TDRKH: variants seen among roughly 807,000 people sequenced by gnomAD.
TDRKH encodes tudor and KH domain-containing protein.
In TDRKH, 28 loss-of-function variants were observed where a neutral mutation model predicts 61.3. The ratio of observed to expected loss-of-function variants is 0.46; its 90% CI spans 0.34 to 0.63. The LOEUF (loss-of-function observed/expected upper bound fraction) is 0.63, where lower values mean the gene tolerates loss of function less well. TDRKH is among the 20% of genes least tolerant of loss of function. The pLI is 0.01. For synonymous variants in TDRKH, 219 were observed against 244.4 expected, an observed-to-expected ratio of 0.90 and a Z score of 0.97; for missense variants, 540 against 683.4, an observed-to-expected ratio of 0.79 and a Z score of 2.34.
chr1:151,772,578 C>T (rs1648780335), downstream of TDRKH, among the ~76,000 whole-genome samples: 2 of 152,128 alleles, frequency 1.3e-5, no homozygotes, highest in African/African-American at 2.4e-5. Flanking sequence ...AAAAAATTCA[C>T]TTGCCATTTT....
chr1:151,783,977 T>C (rs551612811), intron 1 of TDRKH, among the ~76,000 whole-genome samples: 1 of 152,366 alleles, frequency 6.6e-6, no homozygotes, highest in Admixed American at 6.5e-5. Context: ...AATTTTAACA[T>C]GTTCCTCATT....
chr1:151,787,593 C>G (rs1379719587), intron 1 of TDRKH, among the ~76,000 whole-genome samples: 1 of 151,984 alleles, frequency 6.6e-6, no homozygotes, highest in African/African-American at 2.4e-5. Flanking sequence ...ATAGTGCTAG[C>G]TCTTTCTTGT....
chr1:151,775,958 C>T (rs926619078), intron 8 of TDRKH, 74 bp from the exon 9 acceptor site: 43 of 1,584,240 alleles, frequency 2.7e-5, no homozygotes, highest in African/African-American at 5.4e-5. Flanking sequence ...TCAGAAAGAA[C>T]CAACTAACAT....
Position 151,778,972 on chromosome 1 carries a change from T to C in TDRKH, c.596A>G (p.Glu199Gly). The change falls in exon 6 of 13, where the codon GAA becomes GGA. Residue 199 changes from glutamate to glycine, a missense_variant. Physicochemically the swap from Glu to Gly is moderately conservative, Grantham distance 98. Coordinates refer to ENST00000368824, the MANE Select transcript of TDRKH (RefSeq NM_001083965.2). ...AGAATGAGCAATTCTCTTCCGAAGTTCTTCATCTTCTGAAACTTTCTCCAG... is the reference window on the plus strand; with the variant it reads ...AGAATGAGCAATTCTCTTCCGAAGTCCTTCATCTTCTGAAACTTTCTCCAG... ...LILEKVSEDEELRKRIAHSAE... is the reference protein window; with the variant it reads ...LILEKVSEDEGLRKRIAHSAE... 1 of 1,614,054 alleles carries C rather than the reference T, an allele frequency of 6.2e-7. No individual in the cohort carries two copies.
At chr1:151,777,047 T>C (rs1176113641) in intron 6 of TDRKH, among the ~76,000 whole-genome samples, 3 of 152,200 alleles carry the variant, frequency 2.0e-5, no homozygotes, top group African/African-American at 7.2e-5. Context: ...CGCCAAAACC[T>C]ATGTACAGAA....
chr1:151,779,171 CT>C lies in TDRKH; in HGVS notation c.492del (p.Glu165LysfsTer10). The C allele has an allele frequency of 6.2e-7, 1 of 1,614,212 alleles. No individual in the cohort carries two copies. The highest frequency in any genetic ancestry group is 8.5e-7 in the Non-Finnish European group (1 of 1,180,044). On this transcript the variant is annotated frameshift_variant, in exon 5 of 13. Transcript: ENST00000368824. LOFTEE classifies it high-confidence loss of function. The stretch of plus-strand genomic sequence containing the variant: ...AGTCTTGATAGTAGTAATGTCCCTT[CT>C]GATTCTTTGTCACAGGTAATTTTGG... ...SGAKITCDKESEGTLLLSRLI... is the reference protein window; with the variant it reads ...SGAKITCDKEXEGTLLLSRLI...
intron 2 of TDRKH, 26 bp downstream of exon 2, chr1:151,782,873 C>A (rs1558147657): frequency 6.5e-7 from 1 of 1,532,386 alleles, no homozygotes; most frequent in Non-Finnish European, 8.8e-7. Context: ...AACATTTTCA[C>A]ACACACAGTC....
intron 1 of TDRKH, among the ~76,000 whole-genome samples, chr1:151,783,457 C>A (rs1031507800): frequency 6.6e-6 from 1 of 152,222 alleles, no homozygotes; most frequent in Non-Finnish European, 1.5e-5. Context: ...AAAGGCCTTA[C>A]TATTTATCTT....
chr1:151,766,696 C>A, downstream of TDRKH: 1 of 1,551,302 alleles, frequency 6.4e-7, no homozygotes, highest in Non-Finnish European at 8.7e-7. Context: ...CTTCACTTTG[C>A]CACAGGGAGG....
rs770516555 is a variant in TDRKH, at chr1:151,783,015, G to C, written c.8C>G (p.Thr3Ser). 1.2e-6 allele frequency: 2 copies of C among 1,612,842 alleles called. No homozygotes were observed. The highest frequency in any genetic ancestry group is 3.3e-5 in the Admixed American group (2 of 59,742). The part of the protein sequence containing the change: MS[T>S]ERTSWTSLST... ...CAGGCTTGTCCAAGAAGTCCGTTCA[G>C]TAGACATTTTCTGCTGTACTCTTTG... Residue 3 changes from threonine to serine, a missense_variant, in exon 2 of 13, where the codon ACT becomes AGT. Physicochemically the swap from Thr to Ser is moderately conservative, Grantham distance 58. This residue lies in a region of TDRKH where 156 missense variants were observed against 218.0 expected (regional missense o/e 0.72). Coordinates refer to ENST00000368824, the MANE Select transcript of TDRKH (RefSeq NM_001083965.2).
chr1:151,771,082 C>G (rs752860107), downstream of TDRKH: 2 of 1,590,338 alleles, frequency 1.3e-6, no homozygotes, highest in Non-Finnish European at 1.7e-6. Context: ...CACAGGTGCC[C>G]TGCTGCGGGC....
chr1:151,787,063 T>C (rs1276656841), intron 1 of TDRKH, among the ~76,000 whole-genome samples: 1 of 152,222 alleles, frequency 6.6e-6, no homozygotes, highest in Non-Finnish European at 1.5e-5. Flanking sequence ...CATCGTTGTA[T>C]ATACCAAAGG....
chr1:151,771,153 C>A, downstream of TDRKH: 3 of 1,613,792 alleles, frequency 1.9e-6, no homozygotes, highest in African/African-American at 1.3e-5. Context: ...CTCCCTTGGA[C>A]AATGTCATCT....
intron 1 of TDRKH, 81 bp from the exon 2 acceptor site, chr1:151,783,130 T>C (rs1254432483): frequency 1.5e-6 from 2 of 1,352,702 alleles, no homozygotes; most frequent in Non-Finnish European, 2.0e-6. Context: ...GAGCACATTA[T>C]TACTGAAAAG....
chr1:151,766,735 G>T, downstream of TDRKH: 1 of 1,552,932 alleles, frequency 6.4e-7, no homozygotes, highest in Non-Finnish European at 8.7e-7. Context: ...CCTTGTAAGA[G>T]GTGTCGCCCC....
In TDRKH at chr1:151,773,878, A is replaced by C. The variant is rs1171014915; in HGVS notation, c.*574T>G. 1 of 152,258 alleles carries C rather than the reference A, an allele frequency of 6.6e-6. No homozygotes were observed. Among genetic ancestry groups the C allele is most frequent in the Non-Finnish European group, 1.5e-5 (1 of 68,086 alleles). The allele number at this position is 152,258 out of a possible 1,614,324, so 9.4% of individuals were successfully genotyped here. On this transcript the variant is annotated 3_prime_UTR_variant, in exon 13 of 13. Transcript: ENST00000368824. Reference sequence around the variant, plus strand: ...AGAGTCACCTGATAAGGTGAGTCAGAAGTCTGCAGAATCACTTCCAATGAC... The same window carrying C: ...AGAGTCACCTGATAAGGTGAGTCAGCAGTCTGCAGAATCACTTCCAATGAC...
At chr1:151,767,866 T>C (rs1342108380), downstream of TDRKH, 20 of 695,110 alleles carry the variant, frequency 2.9e-5, no homozygotes, top group East Asian at 2.8e-4. Context: ...GATTGTTTGA[T>C]ATAAAGGAGA....
chr1:151,775,036 C>T, intron 11 of TDRKH, 29 bp downstream of exon 11: 1 of 1,607,826 alleles, frequency 6.2e-7, no homozygotes, highest in South Asian at 1.1e-5. Flanking sequence ...TGCCTGGAAG[C>T]AGCACCCTAT....
At chr1:151,786,603 C>T (rs767752948) in intron 1 of TDRKH, among the ~76,000 whole-genome samples, 3 of 152,184 alleles carry the variant, frequency 2.0e-5, no homozygotes, top group Non-Finnish European at 4.4e-5. Flanking sequence ...GAATTTGCAT[C>T]TGGCCTCACA....
Sources: allele counts gnomAD v4.1 joint callset (sites outside exome capture counted in the v4.1 genomes callset), GRCh38; gene constraint gnomAD v4.1.1; regional missense constraint gnomAD v4.1.1; transcripts MANE v1.5; gene names NCBI Gene and HGNC (gene_info 2026-07-23, HGNC 2026-07-21).